Variants in ARL15 observed in about 807,000 individuals in gnomAD.
ARL15 encodes ADP-ribosylation factor-like protein 15.
ARL15 carries 19 observed loss-of-function variants against 25.2 expected under a neutral mutation model. That is an observed-to-expected ratio of 0.75 (90% confidence interval 0.53 to 1.10). ARL15 has a LOEUF of 1.10. ARL15 is among the 50% of genes least tolerant of loss of function. ARL15 has a pLI of 0.00. For synonymous variants in ARL15, 94 were observed against 86.8 expected, an observed-to-expected ratio of 1.08 and a Z score of -0.46; for missense variants, 220 against 246.0, an observed-to-expected ratio of 0.89 and a Z score of 0.71.
At chr5:54,019,408 A>G (rs774950358) in intron 4 of ARL15, among the ~76,000 whole-genome samples, 13 of 152,226 alleles carry the variant, frequency 8.5e-5, no homozygotes, top group Non-Finnish European at 1.5e-4. Flanking sequence ...TTATCTTAAC[A>G]AATGATCTGA....
At chr5:54,083,922 G>A (rs559360568) in intron 4 of ARL15, among the ~76,000 whole-genome samples, 2 of 152,176 alleles carry the variant, frequency 1.3e-5, no homozygotes, top group African/African-American at 2.4e-5. Flanking sequence ...AAATGGAGTA[G>A]GGAGGGGGCT....
At chr5:54,039,800 TAA>T (rs35030165) in intron 4 of ARL15, among the ~76,000 whole-genome samples, 161 of 52,532 alleles carry the variant, frequency 3.1e-3, no homozygotes, top group Middle Eastern at 0.016. Flanking sequence ...AGACTCTGTC[TAA>T]AAAAAAAAAA....
At position 54,188,385 on chromosome 5, in the gene ARL15, C is replaced by T. The variant is rs191119145; in HGVS notation, c.49-16457G>A. Among the ~76,000 whole-genome samples the T allele has an allele frequency of 9.2e-5, 14 of 152,238 alleles. No individual in the cohort carries two copies. The East Asian group carries it at 1.4e-3, about 15-fold the overall frequency. The stretch of plus-strand genomic sequence containing the variant: ...ATCTGTGGAAATAATTTATGATATT[C>T]TATACAAGGAATTATGACTCCATCC... On this transcript the variant is annotated intron_variant, in intron 1 of 4. Transcript: ENST00000504924.
intron 1 of ARL15, among the ~76,000 whole-genome samples, chr5:54,240,252 C>A (rs1023731919): frequency 3.7e-5 from 5 of 135,508 alleles, no homozygotes; most frequent in Non-Finnish European, 6.2e-5. Flanking sequence ...AAAAACACAT[C>A]GCCAATAATT....
rs115631497 is a variant in ARL15 at position 54,295,342 on chromosome 5, T to C, written c.48+15090A>G. Among the ~76,000 whole-genome samples, 76 of 152,192 alleles carry C rather than the reference T, an allele frequency of 5.0e-4. 1 individual carries two copies. The highest frequency in any genetic ancestry group is 1.8e-3 in the African/African-American group (75 of 41,516). ...ATAGTTAGGTATTCTCCCCAAATAA[T>C]GACATAATGAAACTAAAACATCACT... On this transcript the variant is annotated intron_variant, in intron 1 of 4. Coordinates refer to ENST00000504924, the MANE Select transcript of ARL15 (RefSeq NM_019087.3).
intron 1 of ARL15, among the ~76,000 whole-genome samples, chr5:54,179,920 A>G (rs1186988371): frequency 6.6e-6 from 1 of 150,790 alleles, no homozygotes; most frequent in African/African-American, 2.4e-5. Context: ...CAGGAGGCCG[A>G]GGCAGGAGAA....
chr5:53,991,219 C>T (rs1327374546), intron 4 of ARL15, among the ~76,000 whole-genome samples: 1 of 152,118 alleles, frequency 6.6e-6, no homozygotes, highest in African/African-American at 2.4e-5. Context: ...CATGGTGTCT[C>T]TATTTGCTGT....
At chr5:54,067,964 T>C (rs1027925809) in intron 4 of ARL15, among the ~76,000 whole-genome samples, 2 of 152,214 alleles carry the variant, frequency 1.3e-5, no homozygotes, top group Non-Finnish European at 2.9e-5. Context: ...TCACTGCTGT[T>C]TTAATTATTT....
chr5:54,043,462 C>A (rs906727461), intron 4 of ARL15, among the ~76,000 whole-genome samples: 1 of 152,098 alleles, frequency 6.6e-6, no homozygotes, highest in East Asian at 1.9e-4. Flanking sequence ...CATGGTAATA[C>A]TGTCCTTATA....
At chr5:54,187,217 G>A (rs551405849) in intron 1 of ARL15, among the ~76,000 whole-genome samples, 3 of 152,092 alleles carry the variant, frequency 2.0e-5, no homozygotes, top group Admixed American at 6.6e-5. Context: ...CTCCAACCCC[G>A]GGCATTGTGC....
intron 4 of ARL15, among the ~76,000 whole-genome samples, chr5:53,985,943 ATG>A (rs1169023857): frequency 1.3e-5 from 2 of 152,166 alleles, no homozygotes; most frequent in Non-Finnish European, 2.9e-5. Context: ...TCACTGCCTG[ATG>A]TCTCTCTGTA....
intron 4 of ARL15, among the ~76,000 whole-genome samples, chr5:54,058,068 C>T (rs960697506): frequency 1.3e-5 from 2 of 151,334 alleles, no homozygotes; most frequent in Admixed American, 6.6e-5. Context: ...TGCAACAGCG[C>T]GATCTCGGCT....
intron 4 of ARL15, among the ~76,000 whole-genome samples, chr5:53,926,741 A>C (rs954296920): frequency 2.0e-5 from 3 of 152,110 alleles, no homozygotes; most frequent in Non-Finnish European, 4.4e-5. Flanking sequence ...TCTCTCTGCC[A>C]TCCATGCTCT....
At chr5:54,266,595 G>T (rs1010450461) in intron 1 of ARL15, among the ~76,000 whole-genome samples, 2 of 152,030 alleles carry the variant, frequency 1.3e-5, no homozygotes, top group African/African-American at 4.8e-5. Flanking sequence ...CTCAGATCTG[G>T]GTTTATACAT....
At chr5:53,970,176 A>G (rs1352812069) in intron 4 of ARL15, among the ~76,000 whole-genome samples, 12 of 152,220 alleles carry the variant, frequency 7.9e-5, no homozygotes, top group Admixed American at 7.9e-4. Flanking sequence ...TACTTGAAAA[A>G]AGATAAAAGA....
At chr5:53,907,871 C>T (rs1014457741) in intron 4 of ARL15, among the ~76,000 whole-genome samples, 1 of 152,070 alleles carries the variant, frequency 6.6e-6, no homozygotes. Context: ...CCTCTACACT[C>T]AGTATTTCAG....
chr5:54,255,350 T>C (rs987105340), intron 1 of ARL15, among the ~76,000 whole-genome samples: 13 of 152,062 alleles, frequency 8.5e-5, no homozygotes, highest in African/African-American at 3.1e-4. Flanking sequence ...AGGAGAATGC[T>C]TAAAACATAC....
intron 1 of ARL15, among the ~76,000 whole-genome samples, chr5:54,296,302 C>G (rs1239772540): frequency 1.3e-5 from 2 of 152,190 alleles, no homozygotes; most frequent in Admixed American, 6.5e-5. Flanking sequence ...GTAGTACTTA[C>G]AGAATTAGGC....
intron 4 of ARL15, among the ~76,000 whole-genome samples, chr5:54,066,321 T>A (rs1172746463): frequency 1.1e-4 from 17 of 152,140 alleles, no homozygotes; most frequent in Non-Finnish European, 2.4e-4. Flanking sequence ...CTAGAAAAAG[T>A]ATACTCATAA....
Sources: gnomAD v4.1 joint callset for allele counts (sites outside exome capture counted in the v4.1 genomes callset) on GRCh38, gnomAD v4.1.1 for gene constraint, MANE v1.5 for transcripts, NCBI Gene and HGNC (gene_info 2026-07-23, HGNC 2026-07-21) for gene names.